The following PNPLA2 variants were observed in gnomAD, a reference collection of about 807,000 sequenced individuals.
PNPLA2 encodes patatin-like phospholipase domain-containing protein 2.
Under a neutral mutation model 39.7 loss-of-function variants are expected in PNPLA2, and 28 were observed. That is an observed-to-expected ratio of 0.70 (90% CI 0.52 to 0.97). PNPLA2 has a LOEUF of 0.97. PNPLA2 is among the 50% of genes least tolerant of loss of function. The pLI is 0.00. For missense variants in PNPLA2, 768 were observed against 698.2 expected (o/e 1.10, Z -1.13); for synonymous variants, 392 against 321.1 (o/e 1.22, Z -2.36).
At position 825,042 on chromosome 11, in the gene PNPLA2, C is replaced by T. The variant is rs767652321; in HGVS notation, c.*180C>T. On this transcript the variant is annotated 3_prime_UTR_variant, in exon 10 of 10. Transcript: ENST00000336615. Reference sequence around the variant, plus strand: ...CCCCTCCCCTGGGCCGCTGAGGCCCCGCGCACCTGTGCCTTAATCTTCCCT... The same window carrying T: ...CCCCTCCCCTGGGCCGCTGAGGCCCTGCGCACCTGTGCCTTAATCTTCCCT... 4.6e-6 allele frequency: 3 copies of T among 651,046 alleles called. No individual in the cohort carries two copies. In the South Asian group the frequency reaches 5.2e-5, roughly 11 times the overall value. 40.3% of individuals were successfully genotyped at this position (651,046 alleles called of 1,614,324 possible). A position where few individuals can be genotyped will look rare whatever the true frequency, so the allele number is the denominator to read the frequency against.
Position 824,838 on chromosome 11 carries a change from C to G in PNPLA2, c.1491C>G (p.Pro497=). ...LLSTPAPEAR[P]VIGALGL ...GCACCCCTGCTCCCGAGGCCCGGCC[C>G]GTGATCGGGGCCCTGGGGCTGTGAG... is the stretch of plus-strand genomic sequence containing the variant. Residue 497 remains proline (P), a synonymous_variant, in exon 10 of 10, where the codon CCC becomes CCG. Coordinates refer to ENST00000336615, the MANE Select transcript of PNPLA2 (RefSeq NM_020376.4). The G allele has an allele frequency of 6.5e-7, 1 of 1,534,562 alleles. No individual in the cohort carries two copies. The highest frequency in any genetic ancestry group is 8.7e-7 in the Non-Finnish European group (1 of 1,146,094).
chr11:824,393 G>C lies in PNPLA2; in HGVS notation c.1132G>C (p.Val378Leu), dbSNP rs1845796805. ...EQTGSICQYL[V>L]MRAKRKLGRH... ...GACGGGCAGCATCTGCCAGTACCTG[G>C]TGATGCGCGCCAAGAGGAAGCTGGG... Residue 378 changes from valine (V) to leucine (L), a missense_variant, in exon 9 of 10, where the codon GTG becomes CTG. Transcript: ENST00000336615. The C allele has an allele frequency of 2.6e-6, 4 of 1,553,836 alleles. No homozygotes were observed. In the East Asian group the frequency reaches 7.3e-5, roughly 28 times the overall value.
intron 4 of PNPLA2, 136 bp downstream of exon 4, chr11:822,159 G>C (rs956912312): frequency 2.3e-6 from 2 of 861,664 alleles, no homozygotes; most frequent in South Asian, 1.4e-5. Flanking sequence ...TGTTACTCAA[G>C]AAACAGCTGT....
intron 1 of PNPLA2, chr11:819,344 C>A (rs1261146139): frequency 7.3e-5 from 68 of 928,222 alleles, no homozygotes; most frequent in Non-Finnish European, 8.7e-5. Context: ...CCACCCTACA[C>A]CCCTAGGCGT....
In PNPLA2 at chr11:823,778, GC is replaced by G. The variant is rs1845759938; in HGVS notation, c.843del (p.Ser281ArgfsTer39). The G allele has an allele frequency of 1.7e-5, 27 of 1,608,216 alleles. No homozygotes were observed. Among genetic ancestry groups the G allele is most frequent in the Non-Finnish European group, 2.2e-5 (26 of 1,178,210 alleles). On this transcript the variant is annotated frameshift_variant, in exon 7 of 10. Coordinates refer to ENST00000336615, the MANE Select transcript of PNPLA2 (RefSeq NM_020376.4). LOFTEE classifies it high-confidence loss of function. Reference protein sequence around the residue: ...GPEDKDQAVESAQAEDYSQLP... With the variant: ...GPEDKDQAVEXAQAEDYSQLP... ...GAGGACAAGGACCAGGCAGTGGAGA[GC>G]GCCCAAGCGGAGGATTACTCGCAGC...
Position 823,690 on chromosome 11 carries a change from C to T in PNPLA2, c.758-4C>T, listed in dbSNP as rs1590177813. The T allele has an allele frequency of 6.2e-7, 1 of 1,606,248 alleles. No individual in the cohort carries two copies. The highest frequency in any genetic ancestry group is 1.1e-5 in the South Asian group (1 of 89,826). On this transcript the variant is annotated splice_polypyrimidine_tract_variant and splice_region_variant and intron_variant, in intron 6 of 9. Transcript: ENST00000336615. ...CTGAGAATCCCTTCTCTCCCCAACC[C>T]CAGGCCTCCTGAACCGGCCCAACCC...
intron 7 of PNPLA2, 71 bp from the exon 8 acceptor site, chr11:823,927 A>G: frequency 6.5e-7 from 1 of 1,546,334 alleles, no homozygotes; most frequent in Non-Finnish European, 8.7e-7. Flanking sequence ...GACGGTGAGC[A>G]GGGGAGGGAA....
chr11:823,836 G>T lies in PNPLA2; in HGVS notation c.900G>T (p.Leu300=). ...LPGEDHILEH[L]PARLNEALLE... is the part of the protein sequence containing the mutation. ...GAGAAGATCACATCCTGGAGCACCT[G>T]CCCGCCCGGCTCAATGAGGGTGCGC... Residue 300 remains leucine (L), a synonymous_variant, in exon 7 of 10, where the codon CTG becomes CTT. Coordinates refer to ENST00000336615, the MANE Select transcript of PNPLA2 (RefSeq NM_020376.4). 1 of 1,591,080 alleles carries T rather than the reference G, an allele frequency of 6.3e-7. No homozygotes were observed. Among genetic ancestry groups the T allele is most frequent in the Non-Finnish European group, 8.5e-7 (1 of 1,169,692 alleles).
Position 824,535 on chromosome 11 carries a change from G to C in PNPLA2, c.1188G>C (p.Gln396His). The C allele has an allele frequency of 3.9e-6, 6 of 1,552,354 alleles. No individual in the cohort carries two copies. The highest frequency in any genetic ancestry group is 1.2e-5 in the South Asian group (1 of 85,078). ...GRHLPSRLPE[Q>H]VELRRVQSLP... ...CCCTGCCCCGCAGGCTGCCGGAGCAGGTGGAGCTGCGCCGCGTCCAGTCGC... is the reference window on the plus strand; with the variant it reads ...CCCTGCCCCGCAGGCTGCCGGAGCACGTGGAGCTGCGCCGCGTCCAGTCGC... Residue 396 changes from glutamine to histidine, a missense_variant, in exon 10 of 10, where the codon CAG becomes CAC. By Grantham distance (24) the Gln-to-His change is conservative. Transcript: ENST00000336615.
At chr11:820,382 C>A (rs911793137) in intron 2 of PNPLA2, among the ~76,000 whole-genome samples, 3 of 152,138 alleles carry the variant, frequency 2.0e-5, no homozygotes, top group Non-Finnish European at 4.4e-5. Flanking sequence ...CCCAAGGGCC[C>A]GGAGGAGGAG....
chr11:822,703 G>C, intron 5 of PNPLA2, 97 bp downstream of exon 5: 1 of 1,051,010 alleles, frequency 9.5e-7, no homozygotes, highest in Non-Finnish European at 1.5e-6. Context: ...CCCAGGGTAG[G>C]GTGGTGGGAG....
In PNPLA2 at chr11:823,680, C is replaced by G. The variant is rs761449380; in HGVS notation, c.758-14C>G. ...CGCTGATGAACTGAGAATCCCTTCT[C>G]TCCCCAACCCCAGGCCTCCTGAACC... On this transcript the variant is annotated splice_polypyrimidine_tract_variant and intron_variant, in intron 6 of 9. Transcript: ENST00000336615. The G allele has an allele frequency of 5.0e-6, 8 of 1,605,162 alleles. No individual in the cohort carries two copies. The Middle Eastern group carries it at 6.6e-4, about 133-fold the overall frequency.
At chr11:824,468 C>T (rs1291493014) in intron 9 of PNPLA2, 32 bp downstream of exon 9, 10 of 1,547,852 alleles carry the variant, frequency 6.5e-6, no homozygotes, top group Admixed American at 3.9e-5. Context: ...CACCCGGGGC[C>T]CGCGGTGCTA....
chr11:824,756 CCCCCG>C lies in PNPLA2; in HGVS notation c.1411_1415del (p.Pro471GlyfsTer79). The C allele has an allele frequency of 6.4e-7, 1 of 1,558,554 alleles. No homozygotes were observed. The highest frequency in any genetic ancestry group is 8.6e-7 in the Non-Finnish European group (1 of 1,159,288). Reference sequence around the variant, plus strand: ...CGCGCACCCGCCGACCCGGCTCCCGCCCCCGCGGACCCAGCATCCCCGCAGCACCA... The same window carrying C: ...CGCGCACCCGCCGACCCGGCTCCCGCCGGACCCAGCATCCCCGCAGCACCA... On this transcript the variant is annotated frameshift_variant, in exon 10 of 10. Coordinates refer to ENST00000336615, the MANE Select transcript of PNPLA2 (RefSeq NM_020376.4). LOFTEE classifies it low-confidence loss of function (END_TRUNC).
chr11:823,611 G>C, intron 6 of PNPLA2, 24 bp downstream of exon 6: 1 of 1,605,990 alleles, frequency 6.2e-7, no homozygotes, highest in Non-Finnish European at 8.5e-7. Context: ...GGCGGGAGAG[G>C]GCGGGGTGGG....
chr11:823,652 CCG>C, intron 6 of PNPLA2, 40 bp from the exon 7 acceptor site: 1 of 1,600,926 alleles, frequency 6.2e-7, no homozygotes, highest in Non-Finnish European at 8.5e-7. Flanking sequence ...CGGGCCGCGG[CCG>C]CGCTGATGAA....
At position 819,862 on chromosome 11, in the gene PNPLA2, C is replaced by G; in HGVS notation, c.144C>G (p.Ala48=). 6.8e-7 allele frequency: 1 copy of G among 1,461,388 alleles called. No homozygotes were observed. Among genetic ancestry groups the G allele is most frequent in the Non-Finnish European group, 9.0e-7 (1 of 1,106,382 alleles). The allele number at this position is 1,461,388 out of a possible 1,614,324, so 90.5% of individuals were successfully genotyped here. The stretch of plus-strand genomic sequence containing the variant: ...CCACGCACATCTACGGCGCCTCGGC[C>G]GGGGCGCTCACGGCCACGGCGCTGG... ...ANATHIYGAS[A]GALTATALVT... Residue 48 remains alanine, a synonymous_variant, in exon 2 of 10, where the codon GCC becomes GCG. Coordinates refer to ENST00000336615, the MANE Select transcript of PNPLA2 (RefSeq NM_020376.4).
intron 1 of PNPLA2, 100 bp from the exon 2 acceptor site, chr11:819,474 A>G: frequency 8.3e-7 from 1 of 1,211,346 alleles, no homozygotes; most frequent in Non-Finnish European, 1.0e-6. Context: ...TCCCGAGGGC[A>G]CGGCCGTTCC....
intron 2 of PNPLA2, among the ~76,000 whole-genome samples, chr11:820,513 C>T (rs1845634000): frequency 6.6e-6 from 1 of 152,242 alleles, no homozygotes; most frequent in African/African-American, 2.4e-5. Flanking sequence ...GGTGAGGGTG[C>T]TTCTGGGCTC....
Sources: gnomAD v4.1 joint callset for allele counts (sites outside exome capture counted in the v4.1 genomes callset) on GRCh38, gnomAD v4.1.1 for gene constraint, MANE v1.5 for transcripts, NCBI Gene and HGNC (gene_info 2026-07-23, HGNC 2026-07-21) for gene names.